INPP4B: variants seen among roughly 807,000 people sequenced by gnomAD.
INPP4B encodes inositol polyphosphate-4-phosphatase type II B.
A neutral mutation model predicts 122.5 loss-of-function variants in INPP4B; 55 were observed. That is an observed-to-expected ratio of 0.45 (90% CI 0.36 to 0.56). The LOEUF (loss-of-function observed/expected upper bound fraction) is 0.56. Among genes scored for constraint, INPP4B ranks in the 20% least tolerant of loss-of-function variants. The pLI, the probability that INPP4B is intolerant of heterozygous loss-of-function variation, is 0.00. For synonymous variants in INPP4B, 403 were observed against 388.7 expected, an observed-to-expected ratio of 1.04 and a Z score of -0.43; for missense variants, 1,000 against 1,097.7, an observed-to-expected ratio of 0.91 and a Z score of 1.26.
chr4:142,589,736 G>GA (rs1466508636), intron 2 of INPP4B, among the ~76,000 whole-genome samples: 2 of 152,118 alleles, frequency 1.3e-5, no homozygotes, highest in South Asian at 2.1e-4. Flanking sequence ...AAAAGCTAAA[G>GA]ATAACCTTAC....
intron 25 of INPP4B, among the ~76,000 whole-genome samples, chr4:142,036,480 A>G (rs1038862121): frequency 2.6e-5 from 4 of 152,198 alleles, no homozygotes; most frequent in African/African-American, 4.8e-5. Flanking sequence ...CTGGCTGAGG[A>G]GTAGAGCATT....
At chr4:142,412,221 G>T (rs1175086696) in intron 5 of INPP4B, among the ~76,000 whole-genome samples, 1 of 152,086 alleles carries the variant, frequency 6.6e-6, no homozygotes, top group Non-Finnish European at 1.5e-5. Context: ...ATTACATCTA[G>T]ATTAAATCAG....
chr4:142,150,099 T>G (rs1813002076), intron 17 of INPP4B, among the ~76,000 whole-genome samples: 1 of 152,220 alleles, frequency 6.6e-6, no homozygotes. Flanking sequence ...CAAAAATACA[T>G]TCTCATTCTG....
intron 17 of INPP4B, among the ~76,000 whole-genome samples, chr4:142,158,352 T>C (rs1818304913): frequency 6.6e-6 from 1 of 152,124 alleles, no homozygotes; most frequent in Non-Finnish European, 1.5e-5. Flanking sequence ...TTTGTCTTTC[T>C]ACAGCCCTGA....
At chr4:142,629,247 T>A (rs567022545) in intron 2 of INPP4B, among the ~76,000 whole-genome samples, 1 of 152,218 alleles carries the variant, frequency 6.6e-6, no homozygotes, top group East Asian at 1.9e-4. Flanking sequence ...GAGCTGAGCA[T>A]GAATTCCTGG....
rs149045443 is a variant in INPP4B, at chr4:142,429,582, C to T, written c.92-365G>A. On this transcript the variant is annotated intron_variant, in intron 4 of 25. Coordinates refer to ENST00000262992, the MANE Select transcript of INPP4B (RefSeq NM_001101669.3). ...AAGAACCCCCTTACCAAAATACTCT[C>T]TTAAATGGATTTTTTTTCCAAGCCA... 5.2e-3 allele frequency among the ~76,000 whole-genome samples: 787 copies of T among 152,122 alleles called. 5 individuals carry two copies. The highest frequency in any genetic ancestry group is 0.018 in the African/African-American group (744 of 41,528).
intron 2 of INPP4B, among the ~76,000 whole-genome samples, chr4:142,646,128 T>G (rs1050397947): frequency 3.9e-5 from 6 of 152,206 alleles, no homozygotes; most frequent in Non-Finnish European, 8.8e-5. Context: ...GTAGTCATAG[T>G]TATATGAGTA....
intron 2 of INPP4B, among the ~76,000 whole-genome samples, chr4:142,537,467 G>GAT (rs1560772480): frequency 2.8e-4 from 25 of 89,962 alleles, no homozygotes; most frequent in African/African-American, 7.2e-4. Context: ...GAGAGAGAGA[G>GAT]AGAGATACAC....
intron 17 of INPP4B, among the ~76,000 whole-genome samples, chr4:142,151,251 G>A (rs546785048): frequency 1.3e-5 from 2 of 151,988 alleles, no homozygotes; most frequent in African/African-American, 4.8e-5. Flanking sequence ...AAACTGGCAC[G>A]TGTATAGCCC....
At chr4:142,107,985 A>T (rs1788002676) in intron 23 of INPP4B, 108 bp downstream of exon 23, 1 of 618,698 alleles carries the variant, frequency 1.6e-6, no homozygotes, top group Non-Finnish European at 2.8e-6. Flanking sequence ...AATCACTCTC[A>T]CATCCCTACC....
chr4:142,640,280 C>T (rs980935421), intron 2 of INPP4B, among the ~76,000 whole-genome samples: 1 of 151,684 alleles, frequency 6.6e-6, no homozygotes, highest in African/African-American at 2.4e-5. Flanking sequence ...AGATGACTTG[C>T]TCTATTGGAA....
intron 7 of INPP4B, among the ~76,000 whole-genome samples, chr4:142,323,688 G>A (rs546198537): frequency 7.3e-5 from 11 of 151,482 alleles, no homozygotes; most frequent in South Asian, 4.2e-4. Context: ...CTTGTGATCT[G>A]CCCGCCTTGG....
intron 1 of INPP4B, among the ~76,000 whole-genome samples, chr4:142,832,718 T>C (rs559328874): frequency 6.6e-6 from 1 of 152,200 alleles, no homozygotes; most frequent in South Asian, 2.1e-4. Flanking sequence ...TTTAATTGCT[T>C]TTAGACAGCT....
chr4:142,463,636 A>G (rs1817165049), intron 2 of INPP4B, among the ~76,000 whole-genome samples: 1 of 152,040 alleles, frequency 6.6e-6, no homozygotes, highest in South Asian at 2.1e-4. Context: ...GGTTCCCTTA[A>G]TCCCCACATG....
chr4:142,726,897 A>T (rs1765409915), intron 1 of INPP4B, among the ~76,000 whole-genome samples: 1 of 152,216 alleles, frequency 6.6e-6, no homozygotes. Context: ...ATAAATACAT[A>T]TAAAGAACAT....
chr4:142,574,664 A>G (rs1733481461), intron 2 of INPP4B, among the ~76,000 whole-genome samples: 2 of 152,110 alleles, frequency 1.3e-5, no homozygotes, highest in African/African-American at 2.4e-5. Context: ...TTGAACACAA[A>G]TATCTTCTCC....
chr4:142,137,200 G>C (rs577263482), intron 18 of INPP4B, among the ~76,000 whole-genome samples: 1 of 151,916 alleles, frequency 6.6e-6, no homozygotes, highest in Admixed American at 6.5e-5. Context: ...TAGATCAATG[G>C]AACAGAACAG....
intron 25 of INPP4B, among the ~76,000 whole-genome samples, chr4:142,076,169 C>G (rs1345867723): frequency 6.6e-6 from 1 of 151,968 alleles, no homozygotes; most frequent in Non-Finnish European, 1.5e-5. Context: ...AAGAAATAGA[C>G]TTCAAAATCA....
chr4:142,140,273 T>C (rs978456986), intron 18 of INPP4B, among the ~76,000 whole-genome samples: 8 of 152,204 alleles, frequency 5.3e-5, no homozygotes, highest in African/African-American at 1.2e-4. Context: ...TTTGACAGGA[T>C]TTACAGCTGG....
Sources: gnomAD v4.1 joint callset for allele counts (sites outside exome capture counted in the v4.1 genomes callset) on GRCh38, gnomAD v4.1.1 for gene constraint, MANE v1.5 for transcripts, NCBI Gene and HGNC (gene_info 2026-07-23, HGNC 2026-07-21) for gene names.